The following COBL variants were observed in gnomAD, a reference collection of about 807,000 sequenced individuals.
The protein encoded by COBL is cordon-bleu WH2 repeat protein, also known as protein cordon-bleu.
COBL carries 51 observed loss-of-function variants against 98.8 expected under a neutral mutation model. The ratio of observed to expected loss-of-function variants is 0.52; its 90% CI spans 0.41 to 0.65. COBL has a LOEUF of 0.65. Among genes scored for constraint, COBL ranks in the 30% least tolerant of loss-of-function variants. The pLI, the probability that COBL is intolerant of heterozygous loss-of-function variation, is 0.00. For missense variants in COBL, 1,617 were observed against 1,617.5 expected (o/e 1.00, Z 0.01); for synonymous variants, 634 against 651.7 (o/e 0.97, Z 0.41).
intron 8 of COBL, chr7:51,033,339 T>C (rs1325444550): frequency 6.6e-6 from 1 of 152,178 alleles, no homozygotes; most frequent in Non-Finnish European, 1.5e-5. Flanking sequence ...GAAGGAAAAA[T>C]ATAAATACAA....
At chr7:51,083,189 G>C in intron 7 of COBL, 1 of 1,475,862 alleles carries the variant, frequency 6.8e-7, no homozygotes, top group Non-Finnish European at 8.9e-7. Context: ...ACCCCGAGCA[G>C]TGCCTCTGGG....
At chr7:51,038,637 G>A (rs749498946) in intron 8 of COBL, among the ~76,000 whole-genome samples, 2 of 152,202 alleles carry the variant, frequency 1.3e-5, no homozygotes, top group African/African-American at 2.4e-5. Flanking sequence ...GAATACCCAA[G>A]TAACAGAGGG....
intron 6 of COBL, among the ~76,000 whole-genome samples, chr7:51,099,726 G>GT (rs146905953): frequency 0.083 from 12,594 of 151,988 alleles, 744 homozygotes; most frequent in South Asian, 0.12. Flanking sequence ...ATGCTATGTG[G>GT]TTTTTTTAAC....
At chr7:51,120,944 G>A (rs1014768329) in intron 6 of COBL, among the ~76,000 whole-genome samples, 1 of 152,090 alleles carries the variant, frequency 6.6e-6, no homozygotes, top group South Asian at 2.1e-4. Flanking sequence ...TTACCTCCAT[G>A]TTTCAGCTAT....
intron 7 of COBL, among the ~76,000 whole-genome samples, chr7:51,046,164 T>C (rs542184162): frequency 2.1e-4 from 32 of 152,076 alleles, no homozygotes; most frequent in African/African-American, 7.0e-4. Context: ...AGAGGGAACA[T>C]GGGTGAAAGG....
chr7:51,024,476 G>C (rs1787299204), intron 12 of COBL, among the ~76,000 whole-genome samples: 1 of 152,150 alleles, frequency 6.6e-6, no homozygotes, highest in African/African-American at 2.4e-5. Flanking sequence ...AAGCCATCTG[G>C]CCCAAGCAGC....
intron 2 of COBL, among the ~76,000 whole-genome samples, chr7:51,209,046 TAAAAAAAAAAA>T (rs572689062): frequency 6.9e-5 from 3 of 43,426 alleles, no homozygotes; most frequent in African/African-American, 1.6e-4. Flanking sequence ...AATGATCAAT[TAAAAAAAAAAA>T]AAAAAAAAAA....
intron 7 of COBL, among the ~76,000 whole-genome samples, chr7:51,081,836 T>C (rs1291428385): frequency 6.6e-6 from 1 of 152,066 alleles, no homozygotes; most frequent in Non-Finnish European, 1.5e-5. Flanking sequence ...CCTTGGTGTG[T>C]GGGGCTTAAA....
chr7:51,205,647 GTTT>G (rs11463515), intron 2 of COBL, among the ~76,000 whole-genome samples: 1 of 142,416 alleles, frequency 7.0e-6, no homozygotes, highest in Non-Finnish European at 1.5e-5. Context: ...TTGGTTTTTT[GTTT>G]TTTTTTTTTT....
At chr7:51,166,709 A>C (rs1430874070) in intron 5 of COBL, among the ~76,000 whole-genome samples, 1 of 152,166 alleles carries the variant, frequency 6.6e-6, no homozygotes, top group Non-Finnish European at 1.5e-5. Flanking sequence ...CCTCAACAAA[A>C]TACTAGCAAA....
At chr7:51,235,626 G>T (rs1795189532) in intron 1 of COBL, among the ~76,000 whole-genome samples, 1 of 152,180 alleles carries the variant, frequency 6.6e-6, no homozygotes, top group Non-Finnish European at 1.5e-5. Context: ...ACCTTGAGAA[G>T]GCTTCCCTTT....
At chr7:51,259,593 G>T in intron 1 of COBL, 1 of 745,006 alleles carries the variant, frequency 1.3e-6, no homozygotes, top group Non-Finnish European at 2.4e-6. Context: ...CTCCAGGAAG[G>T]CAATTTCATG....
chr7:51,234,326 C>T (rs1307321881), intron 1 of COBL, among the ~76,000 whole-genome samples: 1 of 152,216 alleles, frequency 6.6e-6, no homozygotes, highest in Admixed American at 6.5e-5. Context: ...CCTGCGGCCA[C>T]CCACCCTCAG....
In COBL at chr7:51,017,409, C is replaced by A; in HGVS notation, c.*142G>T. 1 of 760,082 alleles carries A rather than the reference C, an allele frequency of 1.3e-6. No individual in the cohort carries two copies. Among genetic ancestry groups the A allele is most frequent in the Non-Finnish European group, 2.2e-6 (1 of 444,706 alleles). 47.1% of individuals were successfully genotyped at this position (760,082 alleles called of 1,614,324 possible). A position where few individuals can be genotyped will look rare whatever the true frequency, so the allele number is the denominator to read the frequency against. ...CCTTTCAAGCCGTTATACAGGAACA[C>A]ACCGAAAATCAACTGTGCGCATTTG... is the stretch of plus-strand genomic sequence containing the variant. On this transcript the variant is annotated 3_prime_UTR_variant, in exon 13 of 13. Coordinates refer to ENST00000265136, the MANE Select transcript of COBL (RefSeq NM_015198.5).
At chr7:51,206,478 C>T (rs187945923) in intron 2 of COBL, among the ~76,000 whole-genome samples, 6 of 138,506 alleles carry the variant, frequency 4.3e-5, no homozygotes, top group South Asian at 2.5e-4. Context: ...GTTGACAGAG[C>T]GAGACTCTGT....
chr7:51,216,446 C>T (rs891314502), intron 2 of COBL, among the ~76,000 whole-genome samples: 1 of 152,204 alleles, frequency 6.6e-6, no homozygotes, highest in African/African-American at 2.4e-5. Context: ...GCTGGGATTA[C>T]AGGCATGAGC....
intron 1 of COBL, among the ~76,000 whole-genome samples, chr7:51,284,991 A>T (rs1800203287): frequency 6.7e-6 from 1 of 149,118 alleles, no homozygotes. Flanking sequence ...TCTGTCACCC[A>T]GGCTAGAGTG....
At chr7:51,240,540 AT>A (rs11350456) in intron 1 of COBL, among the ~76,000 whole-genome samples, 49,350 of 150,600 alleles carry the variant, frequency 0.33, 10,582 homozygotes, top group East Asian at 0.72. Flanking sequence ...TACTGAACAT[AT>A]TTTTTTTTTA....
At chr7:51,163,828 AT>A (rs954670189) in intron 5 of COBL, among the ~76,000 whole-genome samples, 1 of 152,170 alleles carries the variant, frequency 6.6e-6, no homozygotes, top group Non-Finnish European at 1.5e-5. Context: ...ATCATTTTAG[AT>A]TTTTGCCAGT....
Sources: allele counts gnomAD v4.1 joint callset (sites outside exome capture counted in the v4.1 genomes callset), GRCh38; gene constraint gnomAD v4.1.1; transcripts MANE v1.5; gene names NCBI Gene and HGNC (gene_info 2026-07-23, HGNC 2026-07-21).